TECPR2: variants seen among roughly 807,000 people sequenced by gnomAD.
The protein encoded by TECPR2 is tectonin beta-propeller repeat-containing protein 2.
In TECPR2, 65 loss-of-function variants were observed where a neutral mutation model predicts 138.1. The ratio of observed to expected loss-of-function variants is 0.47; its 90% CI spans 0.39 to 0.58. The LOEUF (loss-of-function observed/expected upper bound fraction) is 0.58. Ranked by LOEUF, TECPR2 falls within the 20% of genes least tolerant of loss-of-function variation. TECPR2 has a pLI of 0.00. For missense variants in TECPR2, 1,553 were observed against 1,824.5 expected, an observed-to-expected ratio of 0.85 and a Z score of 2.71; for synonymous variants, 746 against 749.8, an observed-to-expected ratio of 0.99 and a Z score of 0.08.
intron 2 of TECPR2, among the ~76,000 whole-genome samples, chr14:102,384,311 G>T (rs1257330372): frequency 6.6e-6 from 1 of 152,084 alleles, no homozygotes; most frequent in Non-Finnish European, 1.5e-5. Context: ...AGATTGGGCA[G>T]CTGCATCTGG....
chr14:102,437,420 G>T (rs547357234), intron 9 of TECPR2, among the ~76,000 whole-genome samples: 5 of 152,286 alleles, frequency 3.3e-5, no homozygotes, highest in African/African-American at 1.2e-4. Flanking sequence ...GGTGGCAGAT[G>T]CCTGTAATCC....
intron 17 of TECPR2, among the ~76,000 whole-genome samples, chr14:102,475,253 G>T (rs1890732726): frequency 6.6e-6 from 1 of 152,244 alleles, no homozygotes; most frequent in Non-Finnish European, 1.5e-5. Context: ...GTTCTAAGCA[G>T]AGGGGACATG....
At chr14:102,463,163 G>A (rs1246304272) in intron 16 of TECPR2, among the ~76,000 whole-genome samples, 2 of 152,194 alleles carry the variant, frequency 1.3e-5, no homozygotes, top group Admixed American at 1.3e-4. Context: ...GCTCACACCT[G>A]TAATCCCAGC....
chr14:102,412,429 G>A (rs1056783915), intron 4 of TECPR2, among the ~76,000 whole-genome samples: 1 of 152,096 alleles, frequency 6.6e-6, no homozygotes, highest in African/African-American at 2.4e-5. Context: ...CACCGTGCCA[G>A]CTGATAAATT....
intron 3 of TECPR2, among the ~76,000 whole-genome samples, 162 bp from the exon 4 acceptor site, chr14:102,408,326 A>T (rs1207517226): frequency 6.6e-6 from 1 of 152,150 alleles, no homozygotes; most frequent in East Asian, 1.9e-4. Context: ...TTTGAAGGTG[A>T]CTAGACAGAT....
intron 1 of TECPR2, 44 bp downstream of exon 1, chr14:102,363,160 C>T: frequency 2.9e-6 from 1 of 342,656 alleles, no homozygotes; most frequent in Non-Finnish European, 5.2e-6. Flanking sequence ...CCCCCGACGC[C>T]CCCGACGCCT....
At chr14:102,427,191 C>T (rs1016020539) in intron 6 of TECPR2, among the ~76,000 whole-genome samples, 4 of 152,184 alleles carry the variant, frequency 2.6e-5, no homozygotes, top group Admixed American at 2.6e-4. Context: ...TTTTTGCACC[C>T]TTTCCTCAGT....
At position 102,437,168 on chromosome 14, in the gene TECPR2, G is replaced by T. The variant is rs1889690704; in HGVS notation, c.2395-854G>T. The T allele has an allele frequency of 3.0e-6, 3 of 985,258 alleles. No individual in the cohort carries two copies. In the African/African-American group the frequency reaches 5.2e-5, roughly 17 times the overall value. 61.0% of individuals were successfully genotyped at this position (985,258 alleles called of 1,614,324 possible). A position where few individuals can be genotyped will look rare whatever the true frequency, so the allele number is the denominator to read the frequency against. ...TTTGAAGTAGTTAACTTCTATGTGGGTATCTGTACAAATACATTTATCTTC... is the reference window on the plus strand; with the variant it reads ...TTTGAAGTAGTTAACTTCTATGTGGTTATCTGTACAAATACATTTATCTTC... On this transcript the variant is annotated intron_variant, in intron 9 of 19. Transcript: ENST00000359520.
intron 16 of TECPR2, 133 bp from the exon 17 acceptor site, chr14:102,465,006 CTT>C: frequency 9.5e-7 from 1 of 1,048,876 alleles, no homozygotes; most frequent in Non-Finnish European, 1.4e-6. Flanking sequence ...GATCCGATGA[CTT>C]AGTGTCCAAG....
In TECPR2 at chr14:102,415,834, G is replaced by A. The variant is rs1595112860; in HGVS notation, c.638+1041G>A. On this transcript the variant is annotated intron_variant, in intron 5 of 19. Coordinates refer to ENST00000359520, the MANE Select transcript of TECPR2 (RefSeq NM_014844.5). The surrounding 1 kb of genome is among the most constrained non-coding windows in gnomAD (Gnocchi z 4.3). The stretch of plus-strand genomic sequence containing the variant: ...GGCATGTGGGGAGGGCTTGAGGCTG[G>A]CCCTGTGGAGAGTGACAGCAGGGAC... 6.6e-6 allele frequency among the ~76,000 whole-genome samples: 1 copy of A among 152,174 alleles called. No homozygotes were observed. The highest frequency in any genetic ancestry group is 2.1e-4 in the South Asian group (1 of 4,824).
intron 1 of TECPR2, among the ~76,000 whole-genome samples, chr14:102,371,460 T>C (rs1398904486): frequency 6.6e-6 from 1 of 152,176 alleles, no homozygotes; most frequent in African/African-American, 2.4e-5. Flanking sequence ...CAGACAAGCC[T>C]GGTGCTAAGC....
At position 102,408,572 on chromosome 14, in the gene TECPR2, G is replaced by A; in HGVS notation, c.433G>A (p.Gly145Arg). 6.2e-7 allele frequency: 1 copy of A among 1,613,300 alleles called. No individual in the cohort carries two copies. The highest frequency in any genetic ancestry group is 8.5e-7 in the Non-Finnish European group (1 of 1,179,782). Residue 145 changes from glycine to arginine, a missense_variant, in exon 4 of 20, where the codon GGA becomes AGA. Coordinates refer to ENST00000359520, the MANE Select transcript of TECPR2 (RefSeq NM_014844.5). ...CCCCAATGGAATGAAATTGTTCTCT[G>A]GAGATGACAAAGGCAAAATTGTTTA... ...WSPNGMKLFS[G>R]DDKGKIVYSS...
At chr14:102,441,400 G>T (rs1413631421) in intron 11 of TECPR2, among the ~76,000 whole-genome samples, 1 of 150,712 alleles carries the variant, frequency 6.6e-6, no homozygotes, top group Non-Finnish European at 1.5e-5. Context: ...GTTCAGGCCA[G>T]GTGTGGTGGC....
At position 102,469,266 on chromosome 14, in the gene TECPR2, T is replaced by C. The variant is rs552403144; in HGVS notation, c.3789+3977T>C. On this transcript the variant is annotated intron_variant, in intron 17 of 19. Coordinates refer to ENST00000359520, the MANE Select transcript of TECPR2 (RefSeq NM_014844.5). Reference sequence around the variant, plus strand: ...TTTACTTTCCTTCACCAATGTTTTGTAGTTTTCAGAGTATATGTTTTATAC... The same window carrying C: ...TTTACTTTCCTTCACCAATGTTTTGCAGTTTTCAGAGTATATGTTTTATAC... Among the ~76,000 whole-genome samples the C allele has an allele frequency of 3.9e-5, 6 of 152,338 alleles. No homozygotes were observed. In the South Asian group the frequency reaches 1.2e-3, roughly 32 times the overall value.
Position 102,425,296 on chromosome 14 carries a change from G to T in TECPR2, c.951+5G>T, listed in dbSNP as rs764592554. The T allele has an allele frequency of 1.3e-6, 2 of 1,571,212 alleles. No homozygotes were observed. The highest frequency in any genetic ancestry group is 2.7e-5 in the African/African-American group (2 of 73,714). ...CTCCTAGACACAGTCAACCAGGTAA[G>T]TGAAGGGACGCCACCATATCTTCTG... On this transcript the variant is annotated splice_donor_5th_base_variant and intron_variant, in intron 6 of 19. Transcript: ENST00000359520.
chr14:102,439,326 T>C (rs1449035387), intron 10 of TECPR2, among the ~76,000 whole-genome samples: 3 of 152,202 alleles, frequency 2.0e-5, no homozygotes, highest in Non-Finnish European at 4.4e-5. Context: ...CTCTGTAACT[T>C]CACTGTGTTT....
At chr14:102,397,662 G>A (rs889351249) in intron 2 of TECPR2, among the ~76,000 whole-genome samples, 13 of 151,914 alleles carry the variant, frequency 8.6e-5, no homozygotes, top group African/African-American at 2.9e-4. Flanking sequence ...CAAGAGAATC[G>A]CTTGAACCTG....
intron 5 of TECPR2, among the ~76,000 whole-genome samples, chr14:102,417,353 G>A (rs992141687): frequency 2.0e-5 from 3 of 152,246 alleles, no homozygotes; most frequent in African/African-American, 4.8e-5. Flanking sequence ...GCATGTACAC[G>A]TGGAGGCGTG....
chr14:102,443,730 G>A lies in TECPR2; in HGVS notation c.2836G>A (p.Val946Met). The A allele has an allele frequency of 6.2e-7, 1 of 1,613,276 alleles. No homozygotes were observed. Among genetic ancestry groups the A allele is most frequent in the Non-Finnish European group, 8.5e-7 (1 of 1,179,356 alleles). The change falls in exon 12 of 20, where the codon GTG becomes ATG. Residue 946 changes from valine to methionine, a missense_variant. Transcript: ENST00000359520. The surrounding 1 kb of genome is among the most constrained non-coding windows in gnomAD (Gnocchi z 4.9). The stretch of plus-strand genomic sequence containing the variant: ...GTCCCAGATCACAGCCCGGAACAAT[G>A]TGGTGTGGGCGCTGACAGAGCAGAG... Reference protein sequence around the residue: ...PLSQITARNNVVWALTEQRAL... With the variant: ...PLSQITARNNMVWALTEQRAL...
Sources: gnomAD v4.1 joint callset for allele counts (sites outside exome capture counted in the v4.1 genomes callset) on GRCh38, gnomAD v4.1.1 for gene constraint, Gnocchi (gnomAD v3.1) non-coding constraint, MANE v1.5 for transcripts, NCBI Gene and HGNC (gene_info 2026-07-23, HGNC 2026-07-21) for gene names.